Variants in FAM162A observed in about 807,000 individuals in gnomAD.
FAM162A encodes protein FAM162A.
Under a neutral mutation model 21.8 loss-of-function variants are expected in FAM162A, and 23 were observed. That is an observed-to-expected ratio of 1.05 (90% CI 0.76 to 1.49). The LOEUF (loss-of-function observed/expected upper bound fraction) is 1.49, where lower values mean the gene tolerates loss of function less well. Among genes scored for constraint, FAM162A ranks in the 40% most tolerant of loss-of-function variants. The pLI is 0.00. For missense variants in FAM162A, 165 were observed against 186.4 expected, an observed-to-expected ratio of 0.89 and a Z score of 0.67; for synonymous variants, 53 against 61.3, an observed-to-expected ratio of 0.86 and a Z score of 0.64.
chr3:122,385,632 A>G (rs539171528), intron 1 of FAM162A, among the ~76,000 whole-genome samples: 3 of 152,374 alleles, frequency 2.0e-5, no homozygotes, highest in South Asian at 2.1e-4. Flanking sequence ...TCTTGCATAA[A>G]TATATTTTTG....
At position 122,412,284 on chromosome 3, in the gene FAM162A, T is replaced by C. The variant is rs944590008; in HGVS notation, c.*2453T>C. Reference sequence around the variant, plus strand: ...AGTGGGCAGAAATCTTTTTCTACTTTACATTTCCTGTAAGTGCTGTTTGTT... The same window carrying C: ...AGTGGGCAGAAATCTTTTTCTACTTCACATTTCCTGTAAGTGCTGTTTGTT... On this transcript the variant is annotated 3_prime_UTR_variant, in exon 5 of 5. Coordinates refer to ENST00000477892, the MANE Select transcript of FAM162A (RefSeq NM_014367.4). The C allele has an allele frequency of 6.6e-6, 1 of 152,376 alleles. No homozygotes were observed. Among genetic ancestry groups the C allele is most frequent in the Non-Finnish European group, 1.5e-5 (1 of 68,036 alleles). 9.4% of individuals were successfully genotyped at this position (152,376 alleles called of 1,614,324 possible).
rs189110852 is a variant in FAM162A at position 122,410,772 on chromosome 3, A to G, written c.*941A>G. On this transcript the variant is annotated 3_prime_UTR_variant, in exon 5 of 5. Coordinates refer to ENST00000477892, the MANE Select transcript of FAM162A (RefSeq NM_014367.4). Reference sequence around the variant, plus strand: ...TATTAAATGGAAAATTCCTATAACAATGCATAAGTTATAGATTACATACCA... The same window carrying G: ...TATTAAATGGAAAATTCCTATAACAGTGCATAAGTTATAGATTACATACCA... 9.2e-5 allele frequency: 14 copies of G among 152,290 alleles called. No individual in the cohort carries two copies. The highest frequency in any genetic ancestry group is 7.8e-4 in the Admixed American group (12 of 15,308). 9.4% of individuals were successfully genotyped at this position (152,290 alleles called of 1,614,324 possible).
In FAM162A at chr3:122,411,366, T is replaced by C. The variant is rs1215568160; in HGVS notation, c.*1535T>C. 6.6e-6 allele frequency: 1 copy of C among 152,222 alleles called. No individual in the cohort carries two copies. Among genetic ancestry groups the C allele is most frequent in the East Asian group, 1.9e-4 (1 of 5,204 alleles). The allele number at this position is 152,222 out of a possible 1,614,324, so 9.4% of individuals were successfully genotyped here. A position where few individuals can be genotyped will look rare whatever the true frequency, so the allele number is the denominator to read the frequency against. ...AAATTTATTTTCAAAAAGCATAGTT[T>C]CTTGTACATTTTAGAAGATTAGTTT... On this transcript the variant is annotated 3_prime_UTR_variant, in exon 5 of 5. Transcript: ENST00000477892.
Position 122,402,877 on chromosome 3 carries a change from C to T in FAM162A, c.152C>T (p.Pro51Leu). 1 of 1,589,750 alleles carries T rather than the reference C, an allele frequency of 6.3e-7. No homozygotes were observed. The highest frequency in any genetic ancestry group is 1.7e-4 in the Middle Eastern group (1 of 5,966). Residue 51 changes from proline to leucine, a missense_variant, in exon 2 of 5, where the codon CCA becomes CTA. Transcript: ENST00000477892. ...CTKPQESPGAPSRTYNRVPLH... is the reference protein window; with the variant it reads ...CTKPQESPGALSRTYNRVPLH... ...AAACCACAGGAAAGTCCCGGAGCTC[C>T]ATCCCGTAAGTTTTTATTTTTTCTA...
intron 1 of FAM162A, among the ~76,000 whole-genome samples, chr3:122,397,997 T>G (rs1397220063): frequency 6.6e-6 from 1 of 152,196 alleles, no homozygotes; most frequent in African/African-American, 2.4e-5. Flanking sequence ...CAATGACCAC[T>G]GATGATGTGT....
chr3:122,409,956 T>C lies in FAM162A; in HGVS notation c.*125T>C. The C allele has an allele frequency of 1.2e-6, 1 of 800,752 alleles. No homozygotes were observed. Among genetic ancestry groups the C allele is most frequent in the Non-Finnish European group, 2.2e-6 (1 of 461,814 alleles). 49.6% of individuals were successfully genotyped at this position (800,752 alleles called of 1,614,324 possible). On this transcript the variant is annotated 3_prime_UTR_variant, in exon 5 of 5. Transcript: ENST00000477892. ...ATGATTTGCCCAAACCTGTACCATTTCCGTATTTCTGCTGTAGAAGTAGAA... is the reference window on the plus strand; with the variant it reads ...ATGATTTGCCCAAACCTGTACCATTCCCGTATTTCTGCTGTAGAAGTAGAA...
At chr3:122,409,313 G>A (rs781294684) in intron 4 of FAM162A, among the ~76,000 whole-genome samples, 3 of 152,128 alleles carry the variant, frequency 2.0e-5, no homozygotes, top group Admixed American at 6.5e-5. Flanking sequence ...AGAGAAGTGA[G>A]GAACTAGAAG....
At chr3:122,401,361 C>T (rs2075652856) in intron 1 of FAM162A, 2 of 1,007,590 alleles carry the variant, frequency 2.0e-6, no homozygotes. Flanking sequence ...AGACAGAGAA[C>T]TCCTTTTCTT....
At chr3:122,392,531 G>A (rs951332042) in intron 1 of FAM162A, among the ~76,000 whole-genome samples, 6 of 152,158 alleles carry the variant, frequency 3.9e-5, no homozygotes, top group Non-Finnish European at 8.8e-5. Context: ...GAAAAGCCTA[G>A]GTTCTCAAAG....
intron 1 of FAM162A, among the ~76,000 whole-genome samples, chr3:122,397,567 G>T (rs749340791): frequency 2.6e-4 from 39 of 152,076 alleles, no homozygotes; most frequent in Non-Finnish European, 5.0e-4. Context: ...CCACATCCTA[G>T]GGACTCAGGG....
At chr3:122,387,356 A>G (rs1387113639) in intron 1 of FAM162A, among the ~76,000 whole-genome samples, 1 of 152,204 alleles carries the variant, frequency 6.6e-6, no homozygotes, top group Non-Finnish European at 1.5e-5. Context: ...ATTGTTACCA[A>G]TGTAATGGAC....
Position 122,409,791 on chromosome 3 carries a change from G to C in FAM162A, c.425G>C (p.Arg142Pro), listed in dbSNP as rs73188392. 1.9e-6 allele frequency: 3 copies of C among 1,613,942 alleles called. No homozygotes were observed. In the African/African-American group the frequency reaches 4.0e-5, roughly 22 times the overall value. ...LTSLNLEKKA[R>P]LKEEAAMKAK... is the part of the protein sequence containing the mutation. ...AGCTTGAACTTAGAAAAGAAAGCTC[G>C]TCTGAAAGAGGAAGCAGCTATGAAG... The change falls in exon 5 of 5, where the codon CGT becomes CCT. Residue 142 changes from arginine to proline, a missense_variant. Arg to Pro is a moderately radical substitution (Grantham distance 103, BLOSUM62 -2). Coordinates refer to ENST00000477892, the MANE Select transcript of FAM162A (RefSeq NM_014367.4).
chr3:122,388,576 G>A (rs924396355), intron 1 of FAM162A, among the ~76,000 whole-genome samples: 6 of 152,170 alleles, frequency 3.9e-5, no homozygotes, highest in South Asian at 2.1e-4. Context: ...GTAAATAATA[G>A]GAACTGGGAA....
intron 1 of FAM162A, among the ~76,000 whole-genome samples, chr3:122,394,510 CA>C: frequency 6.6e-6 from 1 of 152,098 alleles, no homozygotes; most frequent in Non-Finnish European, 1.5e-5. Flanking sequence ...AGACTATGAA[CA>C]ACTCTATGGC....
Position 122,396,897 on chromosome 3 carries a change from A to G in FAM162A, c.35-5863A>G, listed in dbSNP as rs979561611. ...CCACATGTTGTATGATTCCATTTAT[A>G]TAAAATGTCCAGAATATGTAAATCC... On this transcript the variant is annotated intron_variant, in intron 1 of 4. Transcript: ENST00000477892. Among the ~76,000 whole-genome samples the G allele has an allele frequency of 2.0e-5, 3 of 152,334 alleles. No individual in the cohort carries two copies. The East Asian group carries it at 5.8e-4, about 29-fold the overall frequency.
chr3:122,389,436 T>TA (rs1224247193), intron 1 of FAM162A, among the ~76,000 whole-genome samples: 3 of 147,902 alleles, frequency 2.0e-5, no homozygotes, highest in African/African-American at 7.6e-5. Context: ...GATAGATAGA[T>TA]GAGATAGATA....
chr3:122,389,998 C>T (rs1251405215), intron 1 of FAM162A, among the ~76,000 whole-genome samples: 3 of 152,056 alleles, frequency 2.0e-5, no homozygotes, highest in African/African-American at 7.2e-5. Context: ...ATTAGCTAGA[C>T]ATGGTGGCAT....
At position 122,409,975 on chromosome 3, in the gene FAM162A, A is replaced by G. The variant is rs2075696983; in HGVS notation, c.*144A>G. ...ACCATTTCCGTATTTCTGCTGTAGA[A>G]GTAGAAATAAATTTTCTTAAATAAT... On this transcript the variant is annotated 3_prime_UTR_variant, in exon 5 of 5. Transcript: ENST00000477892. 2 of 748,136 alleles carry G rather than the reference A, an allele frequency of 2.7e-6. No homozygotes were observed. The highest frequency in any genetic ancestry group is 4.7e-6 in the Non-Finnish European group (2 of 422,928). The allele number at this position is 748,136 out of a possible 1,614,324, so 46.3% of individuals were successfully genotyped here.
chr3:122,388,512 CAG>C (rs963308236), intron 1 of FAM162A, among the ~76,000 whole-genome samples: 1 of 152,038 alleles, frequency 6.6e-6, no homozygotes, highest in African/African-American at 2.4e-5. Context: ...GGAGTCCTTC[CAG>C]AGAGTAGCAC....
Sources: allele counts gnomAD v4.1 joint callset (sites outside exome capture counted in the v4.1 genomes callset), GRCh38; gene constraint gnomAD v4.1.1; transcripts MANE v1.5; gene names NCBI Gene and HGNC (gene_info 2026-07-23, HGNC 2026-07-21).